The following ATP9B variants were observed in gnomAD, a reference collection of about 807,000 sequenced individuals.
The protein encoded by ATP9B is probable phospholipid-transporting ATPase IIB.
Under a neutral mutation model 146.1 loss-of-function variants are expected in ATP9B, and 110 were observed. The observed-to-expected ratio is 0.75, with a 90% confidence interval of 0.65 to 0.88. The LOEUF is 0.88. Ranked by LOEUF, ATP9B falls within the 40% of genes least tolerant of loss-of-function variation. The probability of loss-of-function intolerance (pLI) is 0.00; values close to 1 mark genes in which losing one functional copy is unlikely to be tolerated. For synonymous variants in ATP9B, 604 were observed against 569.7 expected (o/e 1.06, Z -0.86); for missense variants, 1,499 against 1,496.4 (o/e 1.00, Z -0.03).
At chr18:79,261,483 C>T (rs932587015) in intron 12 of ATP9B, among the ~76,000 whole-genome samples, 12 of 152,094 alleles carry the variant, frequency 7.9e-5, no homozygotes, top group African/African-American at 2.9e-4. Flanking sequence ...CGAGCCAGGG[C>T]ACGCCAAGGA....
chr18:79,268,993 A>T (rs2145507163), intron 12 of ATP9B, among the ~76,000 whole-genome samples: 1 of 151,794 alleles, frequency 6.6e-6, no homozygotes. Flanking sequence ...TCCTCTCCTC[A>T]TTGGTGGCAT....
rs116590928 is a variant in ATP9B at position 79,252,721 on chromosome 18, G to A, written c.1108-660G>A. Among the ~76,000 whole-genome samples the A allele has an allele frequency of 3.6e-3, 540 of 151,984 alleles. 3 individuals carry two copies. The highest frequency in any genetic ancestry group is 0.012 in the African/African-American group (513 of 41,446). On this transcript the variant is annotated intron_variant, in intron 11 of 29. Transcript: ENST00000426216. ...TCCATAGAATGGACTTGCATGTAGCGTGCCTTACTGGGAGAACACACAATG... is the reference window on the plus strand; with the variant it reads ...TCCATAGAATGGACTTGCATGTAGCATGCCTTACTGGGAGAACACACAATG...
chr18:79,201,189 G>C (rs2095484397), intron 9 of ATP9B, among the ~76,000 whole-genome samples: 2 of 152,066 alleles, frequency 1.3e-5, no homozygotes, highest in South Asian at 4.1e-4. Context: ...TTTTCTAACA[G>C]TTTTTTTCTC....
intron 12 of ATP9B, among the ~76,000 whole-genome samples, chr18:79,256,113 C>T (rs188870539): frequency 6.6e-6 from 1 of 151,258 alleles, no homozygotes; most frequent in East Asian, 1.9e-4. Flanking sequence ...TTAGATTGAT[C>T]TTTAATTTTT....
intron 2 of ATP9B, among the ~76,000 whole-genome samples, chr18:79,108,187 C>T (rs2075778723): frequency 6.6e-6 from 1 of 152,064 alleles, no homozygotes; most frequent in African/African-American, 2.4e-5. Flanking sequence ...GGCACCACAG[C>T]AGGGATGCTG....
chr18:79,337,935 T>G (rs977936416), intron 19 of ATP9B, among the ~76,000 whole-genome samples: 1 of 152,158 alleles, frequency 6.6e-6, no homozygotes, highest in Non-Finnish European at 1.5e-5. Context: ...TAACCTGGCC[T>G]CCTCCTGCAG....
chr18:79,166,769 T>C (rs1029871883), intron 7 of ATP9B, among the ~76,000 whole-genome samples: 3 of 152,154 alleles, frequency 2.0e-5, no homozygotes, highest in Non-Finnish European at 4.4e-5. Flanking sequence ...CCGTGGAGCC[T>C]TTGTCCAAGT....
chr18:79,233,799 T>A (rs2095814176), intron 11 of ATP9B, among the ~76,000 whole-genome samples: 1 of 152,196 alleles, frequency 6.6e-6, no homozygotes, highest in African/African-American at 2.4e-5. Flanking sequence ...ACTGGAAGCC[T>A]TACCAGTAAC....
chr18:79,234,589 G>C (rs566013572), intron 11 of ATP9B, among the ~76,000 whole-genome samples: 4 of 150,534 alleles, frequency 2.7e-5, no homozygotes, highest in Admixed American at 6.6e-5. Context: ...TGCTGTGGGT[G>C]TGCTTGCTGT....
intron 13 of ATP9B, 88 bp from the exon 14 acceptor site, chr18:79,303,516 A>AT: frequency 1.0e-6 from 1 of 1,003,938 alleles, no homozygotes; most frequent in South Asian, 1.4e-5. Context: ...CAGCCCATGA[A>AT]TGTGCAGCAT....
In ATP9B at chr18:79,337,131, C is replaced by G. The variant is rs2147263079; in HGVS notation, c.2113-148C>G. On this transcript the variant is annotated intron_variant, in intron 18 of 29. Transcript: ENST00000426216. ...ACTCTGTCCCCACAGCCCATGCAGT[C>G]CAGCTCTGTGGAGTACACACACAGC... 7 of 1,137,112 alleles carry G rather than the reference C, an allele frequency of 6.2e-6. No individual in the cohort carries two copies. In the South Asian group the frequency reaches 9.9e-5, roughly 16 times the overall value. The allele number at this position is 1,137,112 out of a possible 1,614,324, so 70.4% of individuals were successfully genotyped here. A position where few individuals can be genotyped will look rare whatever the true frequency, so the allele number is the denominator to read the frequency against.
chr18:79,126,486 T>C (rs1220021953), intron 5 of ATP9B, 111 bp downstream of exon 5: 1 of 720,772 alleles, frequency 1.4e-6, no homozygotes, highest in Non-Finnish European at 2.2e-6. Flanking sequence ...AAAATAGTAT[T>C]ATGTGATTGT....
chr18:79,070,411 G>C (rs868752750), intron 1 of ATP9B, among the ~76,000 whole-genome samples: 7 of 152,090 alleles, frequency 4.6e-5, no homozygotes, highest in Admixed American at 2.6e-4. Flanking sequence ...ATTTACTCTC[G>C]GGTAACTTAT....
chr18:79,276,902 T>G, intron 12 of ATP9B, 152 bp from the exon 13 acceptor site: 1 of 1,202,796 alleles, frequency 8.3e-7, no homozygotes, highest in Non-Finnish European at 1.2e-6. Context: ...CATTAACCAC[T>G]GCAGTGGGTT....
chr18:79,114,263 A>G (rs1276901778), intron 4 of ATP9B, among the ~76,000 whole-genome samples: 2 of 152,010 alleles, frequency 1.3e-5, no homozygotes, highest in Non-Finnish European at 2.9e-5. Context: ...CCTGGCCACT[A>G]CTTCCTTTTT....
intron 15 of ATP9B, among the ~76,000 whole-genome samples, chr18:79,311,431 G>T (rs1163279747): frequency 6.6e-6 from 1 of 152,132 alleles, no homozygotes; most frequent in Non-Finnish European, 1.5e-5. Flanking sequence ...AACATCCCCT[G>T]ATACGGTGAC....
At position 79,336,719 on chromosome 18, in the gene ATP9B, G is replaced by C. The variant is rs199572315; in HGVS notation, c.2112+8G>C. Reference sequence around the variant, plus strand: ...CAGTACCAGGACTTTGAGGTGAGCCGACTCCCAGCCATCCCATCCTCCTAC... The same window carrying C: ...CAGTACCAGGACTTTGAGGTGAGCCCACTCCCAGCCATCCCATCCTCCTAC... On this transcript the variant is annotated splice_region_variant and intron_variant, in intron 18 of 29. Coordinates refer to ENST00000426216, the MANE Select transcript of ATP9B (RefSeq NM_198531.5). 11 of 1,613,480 alleles carry C rather than the reference G, an allele frequency of 6.8e-6. No homozygotes were observed. In the South Asian group the frequency reaches 1.2e-4, roughly 18 times the overall value.
intron 12 of ATP9B, among the ~76,000 whole-genome samples, chr18:79,264,088 AAAAAG>A (rs1396231577): frequency 2.6e-5 from 4 of 152,214 alleles, no homozygotes; most frequent in African/African-American, 7.2e-5. Flanking sequence ...CTGTCTCAAA[AAAAAG>A]AAAAGGAAAA....
At chr18:79,160,656 T>C (rs1358956772) in intron 7 of ATP9B, among the ~76,000 whole-genome samples, 1 of 152,252 alleles carries the variant, frequency 6.6e-6, no homozygotes, top group Non-Finnish European at 1.5e-5. Context: ...GAAAGGTGTT[T>C]AGAAATGTCC....
Sources: gnomAD v4.1 joint callset for allele counts (sites outside exome capture counted in the v4.1 genomes callset) on GRCh38, gnomAD v4.1.1 for gene constraint, MANE v1.5 for transcripts, NCBI Gene and HGNC (gene_info 2026-07-23, HGNC 2026-07-21) for gene names.